The following PLEKHG7 variants were observed in gnomAD, a reference collection of about 807,000 sequenced individuals.
The protein encoded by PLEKHG7 is pleckstrin homology domain-containing family G member 7.
In PLEKHG7, 77 loss-of-function variants were observed where a neutral mutation model predicts 85.2. That is an observed-to-expected ratio of 0.90 (90% CI 0.75 to 1.09). The LOEUF (loss-of-function observed/expected upper bound fraction) is 1.09. PLEKHG7 is among the 50% of genes least tolerant of loss of function. PLEKHG7 has a pLI of 0.00. For synonymous variants in PLEKHG7, 301 were observed against 302.4 expected (o/e 1.00, Z 0.05); for missense variants, 777 against 804.3 (o/e 0.97, Z 0.41).
intron 4 of PLEKHG7, among the ~76,000 whole-genome samples, chr12:92,731,202 T>G (rs1280327932): frequency 6.6e-6 from 1 of 152,164 alleles, no homozygotes; most frequent in Non-Finnish European, 1.5e-5. Context: ...GATGTAATAA[T>G]TTACTGCCAG....
chr12:92,744,534 A>T (rs1487067690), intron 9 of PLEKHG7, among the ~76,000 whole-genome samples: 1 of 152,220 alleles, frequency 6.6e-6, no homozygotes, highest in Non-Finnish European at 1.5e-5. Flanking sequence ...ATGTGTAGTC[A>T]TTATAGCAAG....
At chr12:92,716,445 C>T (rs1871496585) in intron 3 of PLEKHG7, among the ~76,000 whole-genome samples, 1 of 152,204 alleles carries the variant, frequency 6.6e-6, no homozygotes, top group African/African-American at 2.4e-5. Context: ...CCAATATACT[C>T]TTAGTTCTGA....
At position 92,755,849 on chromosome 12, in the gene PLEKHG7, G is replaced by T; in HGVS notation, c.1451G>T (p.Trp484Leu). The T allele has an allele frequency of 6.2e-7, 1 of 1,613,294 alleles. No homozygotes were observed. The highest frequency in any genetic ancestry group is 8.5e-7 in the Non-Finnish European group (1 of 1,179,500). ...GGGGACCTTGAAGGAAAAGTGAAGT[G>T]GCTGGACAATTTCCAAAAATTTAGA... ...SIRDLEGKVKWLDNFQKFRYL... is the reference protein window; with the variant it reads ...SIRDLEGKVKLLDNFQKFRYL... Residue 484 changes from tryptophan (W) to leucine (L), a missense_variant, in exon 12 of 17, where the codon TGG becomes TTG. Trp to Leu is a moderately conservative substitution (Grantham distance 61, BLOSUM62 -2). This residue lies in a region of PLEKHG7 where 520 missense variants were observed against 544.0 expected (regional missense o/e 0.96). Transcript: ENST00000344636.
At position 92,755,908 on chromosome 12, in the gene PLEKHG7, T is replaced by C; in HGVS notation, c.1510T>C (p.Trp504Arg). 1 of 1,613,076 alleles carries C rather than the reference T, an allele frequency of 6.2e-7. No individual in the cohort carries two copies. The highest frequency in any genetic ancestry group is 8.5e-7 in the Non-Finnish European group (1 of 1,179,618). ...LQEIIVWPPLWDRDKRFFIPE... is the reference protein window; with the variant it reads ...LQEIIVWPPLRDRDKRFFIPE... Reference sequence around the variant, plus strand: ...GGAGATTATAGTGTGGCCACCGCTTTGGGATAGAGATAAAAGGTTTTTCAT... The same window carrying C: ...GGAGATTATAGTGTGGCCACCGCTTCGGGATAGAGATAAAAGGTTTTTCAT... Residue 504 changes from tryptophan (W) to arginine (R), a missense_variant, in exon 12 of 17, where the codon TGG becomes CGG. By Grantham distance (101) the Trp-to-Arg change is moderately radical. Transcript: ENST00000344636.
intron 11 of PLEKHG7, among the ~76,000 whole-genome samples, chr12:92,755,353 C>T (rs1222340030): frequency 1.3e-5 from 2 of 152,168 alleles, no homozygotes; most frequent in Non-Finnish European, 2.9e-5. Flanking sequence ...TATTAGAAAA[C>T]ATTGGAAAAT....
At position 92,729,126 on chromosome 12, in the gene PLEKHG7, G is replaced by A. The variant is rs1592677768; in HGVS notation, c.658+6G>A. On this transcript the variant is annotated splice_donor_region_variant and intron_variant, in intron 4 of 16. Transcript: ENST00000344636. Reference sequence around the variant, plus strand: ...ACTTCTGCTGCTGAATTCAGGTTCTGTTCATTCAGTATACTTTCATTCCAT... The same window carrying A: ...ACTTCTGCTGCTGAATTCAGGTTCTATTCATTCAGTATACTTTCATTCCAT... The A allele has an allele frequency of 4.9e-6, 6 of 1,231,494 alleles. 1 individual carries two copies. In the East Asian group the frequency reaches 1.9e-4, roughly 39 times the overall value. The allele number at this position is 1,231,494 out of a possible 1,614,324, so 76.3% of individuals were successfully genotyped here.
chr12:92,768,691 A>G (rs951511259), intron 15 of PLEKHG7, among the ~76,000 whole-genome samples: 7 of 152,198 alleles, frequency 4.6e-5, no homozygotes, highest in African/African-American at 1.2e-4. Context: ...AGCTTGTTCT[A>G]CGAGCAGGGG....
At position 92,764,000 on chromosome 12, in the gene PLEKHG7, T is replaced by C. The variant is rs1349928628; in HGVS notation, c.1717-41T>C. 9 of 1,567,576 alleles carry C rather than the reference T, an allele frequency of 5.7e-6. No homozygotes were observed. In the South Asian group the frequency reaches 5.8e-5, roughly 10 times the overall value. ...GCACTTTAGATAAGTGTGCCAATAT[T>C]TATTTCTTGTTTATTGCATTATTTT... On this transcript the variant is annotated intron_variant, in intron 14 of 16. Coordinates refer to ENST00000344636, the MANE Select transcript of PLEKHG7 (RefSeq NM_001377329.1).
chr12:92,746,084 AC>A (rs1221805911), intron 10 of PLEKHG7, among the ~76,000 whole-genome samples: 7 of 152,220 alleles, frequency 4.6e-5, no homozygotes, highest in Admixed American at 2.0e-4. Context: ...TCTGGGTCCC[AC>A]AGCATTAAAA....
intron 3 of PLEKHG7, among the ~76,000 whole-genome samples, chr12:92,724,230 C>T (rs12305314): frequency 0.018 from 2,686 of 152,166 alleles, 95 homozygotes; most frequent in African/African-American, 0.061. Context: ...TGTGTCAATC[C>T]CAGTGTCCTG....
chr12:92,738,364 C>T (rs1565791754), intron 7 of PLEKHG7, among the ~76,000 whole-genome samples: 1 of 152,184 alleles, frequency 6.6e-6, no homozygotes, highest in Non-Finnish European at 1.5e-5. Context: ...ACTTTTGCAT[C>T]CTGGTGACTG....
At chr12:92,769,147 A>C in intron 16 of PLEKHG7, 67 bp downstream of exon 16, 1 of 1,202,112 alleles carries the variant, frequency 8.3e-7, no homozygotes. Context: ...CAAGTGTCTT[A>C]AGTAACAGTG....
intron 14 of PLEKHG7, among the ~76,000 whole-genome samples, chr12:92,763,501 G>T (rs1273680817): frequency 1.3e-5 from 2 of 152,072 alleles, no homozygotes; most frequent in African/African-American, 2.4e-5. Flanking sequence ...ATTTATTCAG[G>T]TAATGAAACT....
intron 10 of PLEKHG7, among the ~76,000 whole-genome samples, chr12:92,752,584 T>G: frequency 6.6e-6 from 1 of 151,346 alleles, no homozygotes; most frequent in Non-Finnish European, 1.5e-5. Context: ...GCAGCAGGAG[T>G]CTCCTGCAGT....
intron 10 of PLEKHG7, among the ~76,000 whole-genome samples, chr12:92,749,973 T>TATATTTTATTTTATTTTA (rs55993403): frequency 1.9e-5 from 2 of 106,796 alleles, no homozygotes; most frequent in African/African-American, 7.7e-5. Flanking sequence ...TATTTTATAT[T>TATATTTTATTTTATTTTA]TTATTTTATT....
chr12:92,713,158 T>C lies in PLEKHG7; in HGVS notation c.530+5486T>C, dbSNP rs143030707. Reference sequence around the variant, plus strand: ...AAAGATTCACTACATAAATTGTCAGTAATGTAGTGGGGTCCTTCCTCAAGG... The same window carrying C: ...AAAGATTCACTACATAAATTGTCAGCAATGTAGTGGGGTCCTTCCTCAAGG... On this transcript the variant is annotated intron_variant, in intron 3 of 16. Coordinates refer to ENST00000344636, the MANE Select transcript of PLEKHG7 (RefSeq NM_001377329.1). 1.5e-3 allele frequency among the ~76,000 whole-genome samples: 225 copies of C among 152,322 alleles called. 4 individuals are homozygous for C. In the East Asian group the frequency reaches 0.035, roughly 24 times the overall value.
At chr12:92,735,373 C>T (rs1872112704) in intron 5 of PLEKHG7, among the ~76,000 whole-genome samples, 1 of 152,188 alleles carries the variant, frequency 6.6e-6, no homozygotes, top group African/African-American at 2.4e-5. Context: ...CCCATTAGCA[C>T]ATTCTGAAAC....
At chr12:92,745,380 G>A (rs1373470362) in intron 9 of PLEKHG7, 98 bp from the exon 10 acceptor site, 1 of 797,794 alleles carries the variant, frequency 1.3e-6, no homozygotes, top group African/African-American at 1.9e-5. Context: ...ACTTTTCCCT[G>A]TTCTAGTTAA....
intron 2 of PLEKHG7, chr12:92,707,385 T>C (rs1026123043): frequency 7.0e-7 from 1 of 1,427,814 alleles, no homozygotes; most frequent in East Asian, 2.5e-5. Context: ...TGAGAAAGGA[T>C]GCACCAAGGC....
Sources: gnomAD v4.1 joint callset for allele counts (sites outside exome capture counted in the v4.1 genomes callset) on GRCh38, gnomAD v4.1.1 for gene constraint, gnomAD v4.1.1 regional missense constraint, MANE v1.5 for transcripts, NCBI Gene and HGNC (gene_info 2026-07-23, HGNC 2026-07-21) for gene names.